The following ZNF536 variants were observed in gnomAD, a reference collection of about 807,000 sequenced individuals.
ZNF536 encodes the protein zinc finger protein 536.
A neutral mutation model predicts 84.5 loss-of-function variants in ZNF536; 13 were observed. That is an observed-to-expected ratio of 0.15 (90% CI 0.10 to 0.24). ZNF536 has a LOEUF of 0.24. Among genes scored for constraint, ZNF536 ranks in the 10% least tolerant of loss-of-function variants. The probability of loss-of-function intolerance (pLI) is 1.00; values close to 1 mark genes in which losing one functional copy is unlikely to be tolerated. For synonymous variants in ZNF536, 811 were observed against 742.5 expected (o/e 1.09, Z -1.50); for missense variants, 1,536 against 1,747.5 (o/e 0.88, Z 2.16).
intron 1 of ZNF536, among the ~76,000 whole-genome samples, chr19:30,647,024 C>T (rs1004275745): frequency 6.6e-6 from 1 of 152,174 alleles, no homozygotes; most frequent in Admixed American, 6.5e-5. Flanking sequence ...AACTCCCCAC[C>T]GCTGGAGATT....
At chr19:30,266,672 T>C (rs1201411102) in intron 1 of ZNF536, among the ~76,000 whole-genome samples, 1 of 152,244 alleles carries the variant, frequency 6.6e-6, no homozygotes, top group African/African-American at 2.4e-5. Flanking sequence ...GTTTACAAGA[T>C]GAAGCCACGA....
Position 30,534,926 on chromosome 19 carries a change from G to A in ZNF536, c.2250G>A (p.Met750Ile), listed in dbSNP as rs1568526000. ...GCGACAGAAGCCTGGGCTCGGCCAT[G>A]AAGGACTGCCCGTACTGTGGGAAAA... ...LLRDRSLGSAMKDCPYCGKTF... is the reference protein window; with the variant it reads ...LLRDRSLGSAIKDCPYCGKTF... The change falls in exon 3 of 5, where the codon ATG becomes ATA. Residue 750 changes from methionine to isoleucine, a missense_variant. Met to Ile is a conservative substitution (Grantham distance 10). Coordinates refer to ENST00000355537, the MANE Select transcript of ZNF536 (RefSeq NM_014717.3). The A allele has an allele frequency of 1.2e-6, 2 of 1,613,990 alleles. No individual in the cohort carries two copies. Among genetic ancestry groups the A allele is most frequent in the East Asian group, 2.2e-5 (1 of 44,882 alleles).
chr19:30,281,749 A>G (rs2045452660), intron 1 of ZNF536, among the ~76,000 whole-genome samples: 1 of 152,140 alleles, frequency 6.6e-6, no homozygotes, highest in Non-Finnish European at 1.5e-5. Flanking sequence ...AGGTTCCCTT[A>G]TTTTGATGAG....
In ZNF536 at chr19:30,535,932, T is replaced by TG. The variant is rs376916026; in HGVS notation, c.2323+939dup. Among the ~76,000 whole-genome samples, 974 of 152,154 alleles carry TG rather than the reference T, an allele frequency of 6.4e-3. 8 individuals carry two copies. The highest frequency in any genetic ancestry group is 0.022 in the African/African-American group (913 of 41,512). On this transcript the variant is annotated intron_variant, in intron 3 of 4. Transcript: ENST00000355537. ...GCACGCGGGCTGCATGGGCATCGCGTGGGGGGAGACAAGAAACCCCTCACC... is the reference window on the plus strand; with the variant it reads ...GCACGCGGGCTGCATGGGCATCGCGTGGGGGGGAGACAAGAAACCCCTCACC...
At chr19:30,292,611 G>T (rs1298974262) in intron 2 of ZNF536, among the ~76,000 whole-genome samples, 1 of 152,132 alleles carries the variant, frequency 6.6e-6, no homozygotes. Context: ...ATGAGCCACT[G>T]CTAGGCCTCT....
chr19:30,679,093 G>A (rs912444021), intron 1 of ZNF536, among the ~76,000 whole-genome samples: 1 of 152,066 alleles, frequency 6.6e-6, no homozygotes, highest in African/African-American at 2.4e-5. Flanking sequence ...TTTTTCTTCT[G>A]TGCAGAAGAC....
At chr19:30,231,242 A>G (rs1244288066) in intron 1 of ZNF536, among the ~76,000 whole-genome samples, 8 of 152,254 alleles carry the variant, frequency 5.3e-5, no homozygotes, top group Non-Finnish European at 1.0e-4. Flanking sequence ...CCTGTCTGCC[A>G]GGACCTAGGG....
Position 30,415,287 on chromosome 19 carries a change from T to C in ZNF536, c.-2-28274T>C, listed in dbSNP as rs867248348. Among the ~76,000 whole-genome samples the C allele has an allele frequency of 5.5e-4, 71 of 129,700 alleles. 1 individual carries two copies. Among genetic ancestry groups the C allele is most frequent in the South Asian group, 3.0e-3 (11 of 3,634 alleles). The allele number at this position is 129,700 out of a possible 152,430, so 85.1% of individuals were successfully genotyped here. ...TCCTCCTCCTGCTCCTCCTCCTCCTTCTTCTTCTTCTTCTTCTTCTCCTTC... is the reference window on the plus strand; with the variant it reads ...TCCTCCTCCTGCTCCTCCTCCTCCTCCTTCTTCTTCTTCTTCTTCTCCTTC... On this transcript the variant is annotated intron_variant, in intron 1 of 4. Transcript: ENST00000355537.
chr19:30,495,423 G>A (rs1196455799), intron 2 of ZNF536, among the ~76,000 whole-genome samples: 1 of 152,128 alleles, frequency 6.6e-6, no homozygotes, highest in Non-Finnish European at 1.5e-5. Context: ...GACAAGTGTA[G>A]GATCCTTATG....
rs553435363 is a variant in ZNF536 at position 30,464,123 on chromosome 19, C to T, written c.2170+18391C>T. On this transcript the variant is annotated intron_variant, in intron 2 of 4. Transcript: ENST00000355537. ...CTGCGGTCACTGCCTCTTAGGTCTGCGGAGTGTTTAAGGCCTAAGCCCTGT... is the reference window on the plus strand; with the variant it reads ...CTGCGGTCACTGCCTCTTAGGTCTGTGGAGTGTTTAAGGCCTAAGCCCTGT... Among the ~76,000 whole-genome samples, 3 of 152,278 alleles carry T rather than the reference C, an allele frequency of 2.0e-5. No individual in the cohort carries two copies. The East Asian group carries it at 5.8e-4, about 29-fold the overall frequency.
chr19:30,334,637 G>A (rs768291761), intron 2 of ZNF536, among the ~76,000 whole-genome samples: 9 of 152,190 alleles, frequency 5.9e-5, no homozygotes, highest in Non-Finnish European at 1.3e-4. Context: ...TAAGGACTGT[G>A]ATCATGCTGT....
intron 1 of ZNF536, among the ~76,000 whole-genome samples, chr19:30,428,176 G>T (rs903477635): frequency 6.6e-6 from 1 of 152,216 alleles, no homozygotes. Flanking sequence ...CTTTGGAACA[G>T]GTGACTGTGA....
chr19:30,631,016 G>A (rs1335715537), intron 1 of ZNF536, among the ~76,000 whole-genome samples: 5 of 152,166 alleles, frequency 3.3e-5, no homozygotes, highest in Non-Finnish European at 5.9e-5. Context: ...AGGTGTGCTT[G>A]TGTGTATTTG....
intron 1 of ZNF536, among the ~76,000 whole-genome samples, chr19:30,708,554 C>T (rs575022503): frequency 1.1e-3 from 172 of 152,280 alleles, no homozygotes; most frequent in African/African-American, 3.9e-3. Context: ...CGGTGGGAAA[C>T]TGGAAGCATG....
intron 1 of ZNF536, among the ~76,000 whole-genome samples, chr19:30,271,513 G>A (rs747402843): frequency 6.6e-6 from 1 of 152,090 alleles, no homozygotes; most frequent in African/African-American, 2.4e-5. Context: ...TAGGGGTCAA[G>A]TTCACCAGGA....
At chr19:30,589,689 C>G (rs897690283) in intron 1 of ZNF536, among the ~76,000 whole-genome samples, 4 of 152,050 alleles carry the variant, frequency 2.6e-5, no homozygotes, top group Admixed American at 2.6e-4. Flanking sequence ...CACTGGGGGA[C>G]AAGGTAGAGC....
At chr19:30,693,857 AAGAGAGATGTGCGAT>A (rs2051535458) in intron 1 of ZNF536, among the ~76,000 whole-genome samples, 1 of 152,132 alleles carries the variant, frequency 6.6e-6, no homozygotes, top group African/African-American at 2.4e-5. Context: ...CCTTTATGGG[AAGAGAGATGTGCGAT>A]TCTTTCTCAC....
chr19:30,700,274 GTCTT>G (rs1468011136), intron 1 of ZNF536, among the ~76,000 whole-genome samples: 56 of 65,714 alleles, frequency 8.5e-4, no homozygotes, highest in African/African-American at 3.3e-3. Flanking sequence ...TTCTCTTTGT[GTCTT>G]TCTTTCTCTC....
intron 1 of ZNF536, among the ~76,000 whole-genome samples, chr19:30,617,071 T>C (rs780973388): frequency 6.6e-6 from 1 of 152,084 alleles, no homozygotes; most frequent in Non-Finnish European, 1.5e-5. Flanking sequence ...TATTGTGAAC[T>C]GAATGTTCAT....
Sources: gnomAD v4.1 joint callset for allele counts (sites outside exome capture counted in the v4.1 genomes callset) on GRCh38, gnomAD v4.1.1 for gene constraint, MANE v1.5 for transcripts, NCBI Gene and HGNC (gene_info 2026-07-23, HGNC 2026-07-21) for gene names.